Variants in CROCC observed in about 807,000 individuals in gnomAD.
The protein encoded by CROCC is ciliary rootlet coiled-coil, rootletin, also known as rootletin.
A neutral mutation model predicts 245.2 loss-of-function variants in CROCC; 180 were observed. The observed-to-expected ratio is 0.73, with a 90% CI of 0.65 to 0.83. CROCC has a LOEUF of 0.83. Ranked by LOEUF, CROCC falls within the 40% of genes least tolerant of loss-of-function variation. The pLI is 0.00. For synonymous variants in CROCC, 1,205 were observed against 1,241.6 expected (o/e 0.97, Z 0.62); for missense variants, 2,688 against 2,779.4 (o/e 0.97, Z 0.74).
intron 3 of CROCC, among the ~76,000 whole-genome samples, chr1:16,926,101 G>A (rs1271158571): frequency 6.6e-6 from 1 of 152,280 alleles, no homozygotes; most frequent in Non-Finnish European, 1.5e-5. Flanking sequence ...GGGGGTCTGG[G>A]TTAGTCTAGA....
In CROCC at chr1:16,958,756, T is replaced by G; in HGVS notation, c.4032+6T>G. 2 of 1,555,028 alleles carry G rather than the reference T, an allele frequency of 1.3e-6. No individual in the cohort carries two copies. The highest frequency in any genetic ancestry group is 8.7e-7 in the Non-Finnish European group (1 of 1,149,362). On this transcript the variant is annotated splice_donor_region_variant and intron_variant, in intron 26 of 36. Transcript: ENST00000375541. Reference sequence around the variant, plus strand: ...TGGAGGTGATGCGGCAGGAGGTAACTGAGCAGGCGGGCAGGCTGGTGCATC... The same window carrying G: ...TGGAGGTGATGCGGCAGGAGGTAACGGAGCAGGCGGGCAGGCTGGTGCATC...
At chr1:16,957,992 G>C (rs1340738074) in intron 25 of CROCC, among the ~76,000 whole-genome samples, 2 of 112,404 alleles carry the variant, frequency 1.8e-5, no homozygotes, top group Non-Finnish European at 4.3e-5. Flanking sequence ...GAGGTAGGCA[G>C]TACCCCTCCC....
At chr1:16,953,160 C>G (rs912078036) in intron 20 of CROCC, 142 bp from the exon 21 acceptor site, 45 of 774,776 alleles carry the variant, frequency 5.8e-5, no homozygotes, top group Non-Finnish European at 4.1e-6. Context: ...CGTCATAGCC[C>G]TTATCACTCC....
rs2075865462 is a variant in CROCC, at chr1:16,939,220, G to GA, written c.1608+78_1608+79insA. 4.0e-6 allele frequency: 5 copies of GA among 1,245,904 alleles called. No homozygotes were observed. In the South Asian group the frequency reaches 7.3e-5, roughly 18 times the overall value. 77.2% of individuals were successfully genotyped at this position (1,245,904 alleles called of 1,614,324 possible). ...TCGCGCCCTCCGGGTGGGGGCGGGGGCGGGGGCAGGTCCGGGGCCAGGGTC... is the reference window on the plus strand; with the variant it reads ...TCGCGCCCTCCGGGTGGGGGCGGGGGACGGGGGCAGGTCCGGGGCCAGGGTC... On this transcript the variant is annotated intron_variant, in intron 12 of 36. Coordinates refer to ENST00000375541, the MANE Select transcript of CROCC (RefSeq NM_014675.5).
chr1:16,930,094 T>A (rs1162777117), intron 4 of CROCC, 30 bp from the exon 5 acceptor site: 3 of 1,578,688 alleles, frequency 1.9e-6, no homozygotes, highest in Non-Finnish European at 2.6e-6. Context: ...CCCCAACCCC[T>A]GGGGCTCACC....
intron 27 of CROCC, among the ~76,000 whole-genome samples, chr1:16,963,619 G>A (rs1013197234): frequency 3.3e-5 from 5 of 152,208 alleles, no homozygotes; most frequent in African/African-American, 1.2e-4. Context: ...GCTCATGGCA[G>A]GACCCGTGTC....
chr1:16,939,865 C>T (rs371565159), intron 12 of CROCC, 29 bp from the exon 13 acceptor site: 1 of 1,609,990 alleles, frequency 6.2e-7, no homozygotes, highest in Non-Finnish European at 8.5e-7. Context: ...CTCAGGCCCC[C>T]CCAGACTCTG....
intron 1 of CROCC, among the ~76,000 whole-genome samples, chr1:16,914,106 G>C (rs1401719143): frequency 4.0e-5 from 6 of 151,638 alleles, no homozygotes; most frequent in Non-Finnish European, 7.4e-5. Flanking sequence ...GCTCGGCCTC[G>C]GCAGCAGCGG....
rs369379898 is a variant in CROCC at position 16,940,052 on chromosome 1, C to G, written c.1767C>G (p.Arg589=). The change falls in exon 13 of 37, where the codon CGC becomes CGG. Residue 589 remains arginine (R), a synonymous_variant. Transcript: ENST00000375541. ...GAMQAHEDAQ[R]EVQRLRSANE... is the part of the protein sequence containing the mutation. Reference sequence around the variant, plus strand: ...TGCAGGCCCACGAGGACGCCCAGCGCGAGGTGCAGCGGCTGCGGAGCGCCA... The same window carrying G: ...TGCAGGCCCACGAGGACGCCCAGCGGGAGGTGCAGCGGCTGCGGAGCGCCA... The G allele has an allele frequency of 6.2e-7, 1 of 1,609,720 alleles. No individual in the cohort carries two copies. The highest frequency in any genetic ancestry group is 8.5e-7 in the Non-Finnish European group (1 of 1,179,034).
rs751427104 is a variant in CROCC at position 16,922,765 on chromosome 1, G to A, written c.163G>A (p.Val55Ile). 1.2e-6 allele frequency: 2 copies of A among 1,613,810 alleles called. No homozygotes were observed. Among genetic ancestry groups the A allele is most frequent in the Non-Finnish European group, 1.7e-6 (2 of 1,179,980 alleles). ...CCTGCCTGCCCTTATCAGGGAGATTGTCACCCGCAACCTCTCCCAGCCTGA... is the reference window on the plus strand; with the variant it reads ...CCTGCCTGCCCTTATCAGGGAGATTATCACCCGCAACCTCTCCCAGCCTGA... ...TSLPALIREI[V>I]TRNLSQPESP... The change falls in exon 2 of 37, where the codon GTC becomes ATC. Residue 55 changes from valine (V) to isoleucine (I), a missense_variant. This residue lies in a region of CROCC where 972 missense variants were observed against 895.3 expected (regional missense o/e 1.09). Coordinates refer to ENST00000375541, the MANE Select transcript of CROCC (RefSeq NM_014675.5).
chr1:16,955,018 C>A (rs2100503823), intron 23 of CROCC, 141 bp downstream of exon 23: 1 of 1,170,246 alleles, frequency 8.5e-7, no homozygotes, highest in Non-Finnish European at 1.2e-6. Flanking sequence ...AGAAAGGAGG[C>A]AGCAAGCACT....
chr1:16,925,065 C>T (rs1354778239), intron 3 of CROCC, among the ~76,000 whole-genome samples: 7 of 152,366 alleles, frequency 4.6e-5, no homozygotes, highest in East Asian at 1.9e-4. Flanking sequence ...GGGTGTGGGG[C>T]GGGAGCTGGG....
upstream of CROCC, among the ~76,000 whole-genome samples, chr1:16,918,910 T>C (rs1415976867): frequency 6.6e-6 from 1 of 152,264 alleles, no homozygotes; most frequent in Non-Finnish European, 1.5e-5. Flanking sequence ...CTAATTTCTG[T>C]ATTTTTAGTA....
At position 16,922,578 on chromosome 1, in the gene CROCC, G is replaced by C. The variant is rs1457988598; in HGVS notation, c.61-85G>C. 17 of 1,503,086 alleles carry C rather than the reference G, an allele frequency of 1.1e-5. No individual in the cohort carries two copies. In the Admixed American group the frequency reaches 2.5e-4, roughly 22 times the overall value. The allele number at this position is 1,503,086 out of a possible 1,614,324, so 93.1% of individuals were successfully genotyped here. A position where few individuals can be genotyped will look rare whatever the true frequency, so the allele number is the denominator to read the frequency against. On this transcript the variant is annotated intron_variant, in intron 1 of 36. Coordinates refer to ENST00000375541, the MANE Select transcript of CROCC (RefSeq NM_014675.5). ...GGGGCTCCTGGGGACCTGTATCTTGGGCAGTAGGATTCTGTGGCTCTCCCC... is the reference window on the plus strand; with the variant it reads ...GGGGCTCCTGGGGACCTGTATCTTGCGCAGTAGGATTCTGTGGCTCTCCCC...
intron 27 of CROCC, among the ~76,000 whole-genome samples, chr1:16,961,841 G>A (rs141430054): frequency 6.6e-6 from 1 of 152,228 alleles, no homozygotes; most frequent in Non-Finnish European, 1.5e-5. Flanking sequence ...TGAACTCCTG[G>A]ACTCAAGCGA....
chr1:16,960,860 C>A lies in CROCC; in HGVS notation c.4135C>A (p.Gln1379Lys), dbSNP rs2076319550. 6.6e-7 allele frequency: 1 copy of A among 1,518,706 alleles called. No homozygotes were observed. The highest frequency in any genetic ancestry group is 8.8e-7 in the Non-Finnish European group (1 of 1,139,690). 94.1% of individuals were successfully genotyped at this position (1,518,706 alleles called of 1,614,324 possible). ...GGAGGAGGCGCGTGGCACTGAAAAG[C>A]AGCAGCTGGACCACGCCCGCGGCCT... is the stretch of plus-strand genomic sequence containing the variant. ...SLEEARGTEKQQLDHARGLEL... is the reference protein window; with the variant it reads ...SLEEARGTEKKQLDHARGLEL... Residue 1379 changes from glutamine (Q) to lysine (K), a missense_variant, in exon 27 of 37, where the codon CAG becomes AAG. Physicochemically the swap from Gln to Lys is moderately conservative, Grantham distance 53. Coordinates refer to ENST00000375541, the MANE Select transcript of CROCC (RefSeq NM_014675.5).
chr1:16,956,040 C>G lies in CROCC; in HGVS notation c.3748C>G (p.Leu1250Val). Residue 1250 changes from leucine to valine, a missense_variant, in exon 25 of 37, where the codon CTA (leucine) becomes GTA (valine). Leu to Val is a conservative substitution (Grantham distance 32). This residue lies in a region of CROCC where 1,218 missense variants were observed against 1,286.3 expected (regional missense o/e 0.95). Transcript: ENST00000375541. ...GGACAAGGAGCAGAAGCTGGCACTC[C>G]TAGAGGAGGCACGGACAGCTGTGGG... ...NEDKEQKLAL[L>V]EEARTAVGKE... The G allele has an allele frequency of 6.4e-7, 1 of 1,551,126 alleles. No homozygotes were observed.
At chr1:16,924,064 G>A (rs1178691361) in intron 2 of CROCC, among the ~76,000 whole-genome samples, 1 of 152,266 alleles carries the variant, frequency 6.6e-6, no homozygotes, top group African/African-American at 2.4e-5. Flanking sequence ...GGGTCTCCTG[G>A]CTCCTAGACT....
At chr1:16,955,857 G>A (rs1408827431) in intron 24 of CROCC, 140 bp from the exon 25 acceptor site, 1 of 1,074,200 alleles carries the variant, frequency 9.3e-7, no homozygotes, top group Non-Finnish European at 1.3e-6. Context: ...GCCCTGCAGG[G>A]CTCAGGGCTT....
Sources: gnomAD v4.1 joint callset for allele counts (sites outside exome capture counted in the v4.1 genomes callset) on GRCh38, gnomAD v4.1.1 for gene constraint, gnomAD v4.1.1 regional missense constraint, MANE v1.5 for transcripts, NCBI Gene and HGNC (gene_info 2026-07-23, HGNC 2026-07-21) for gene names.